Variants in GLDN observed in about 807,000 individuals in gnomAD.
The protein encoded by GLDN is gliomedin.
Under a neutral mutation model 56.5 loss-of-function variants are expected in GLDN, and 47 were observed. The observed-to-expected ratio is 0.83, with a 90% confidence interval of 0.66 to 1.06. The LOEUF is 1.06. GLDN is among the 50% of genes least tolerant of loss of function. GLDN has a pLI of 0.00. For synonymous variants in GLDN, 332 were observed against 278.8 expected (o/e 1.19, Z -1.90); for missense variants, 782 against 714.3 (o/e 1.09, Z -1.08).
intron 1 of GLDN, among the ~76,000 whole-genome samples, chr15:51,373,270 C>T (rs934290767): frequency 2.6e-5 from 4 of 152,112 alleles, no homozygotes; most frequent in African/African-American, 9.7e-5. Context: ...CCTGTGAATA[C>T]CAAAATCCGC....
intron 4 of GLDN, among the ~76,000 whole-genome samples, chr15:51,387,098 G>C (rs932670607): frequency 6.6e-6 from 1 of 152,118 alleles, no homozygotes; most frequent in Non-Finnish European, 1.5e-5. Flanking sequence ...GGCAGGAGAG[G>C]AGGGGCTGGG....
chr15:51,397,711 T>C, intron 6 of GLDN, 113 bp downstream of exon 6: 1 of 1,279,542 alleles, frequency 7.8e-7, no homozygotes, highest in Non-Finnish European at 1.0e-6. Context: ...GAGGGTTTTG[T>C]CCAAAATGAA....
Position 51,383,833 on chromosome 15 carries a change from A to T in GLDN, c.482A>T (p.Gln161Leu), listed in dbSNP as rs1344668252. ...GLPGHNGLDGQPGPQGPKGEK... is the reference protein window; with the variant it reads ...GLPGHNGLDGLPGPQGPKGEK... Reference sequence around the variant, plus strand: ...CCAGGACACAACGGATTGGATGGACAGCCTGGTCCTCAGGGCCCAAAAGGA... The same window carrying T: ...CCAGGACACAACGGATTGGATGGACTGCCTGGTCCTCAGGGCCCAAAAGGA... The change falls in exon 4 of 10, where the codon CAG becomes CTG. Residue 161 changes from glutamine to leucine, a missense_variant. By Grantham distance (113) the Gln-to-Leu change is moderately radical (BLOSUM62 -2). Transcript: ENST00000335449. 3.7e-6 allele frequency: 6 copies of T among 1,613,662 alleles called. No homozygotes were observed.
chr15:51,370,897 C>G (rs2037502693), intron 1 of GLDN, among the ~76,000 whole-genome samples: 1 of 152,034 alleles, frequency 6.6e-6, no homozygotes, highest in Non-Finnish European at 1.5e-5. Flanking sequence ...AAGGCTGAGG[C>G]AGGAGAATTG....
At position 51,383,816 on chromosome 15, in the gene GLDN, C is replaced by G. The variant is rs767684396; in HGVS notation, c.465C>G (p.His155Gln). The G allele has an allele frequency of 1.8e-5, 29 of 1,612,782 alleles. No individual in the cohort carries two copies. The highest frequency in any genetic ancestry group is 2.5e-5 in the Non-Finnish European group (29 of 1,179,866). ...CGGGAGCCGGCGGGTTGCCAGGACA[C>G]AACGGATTGGATGGACAGCCTGGTC... ...GPPGAGGLPG[H>Q]NGLDGQPGPQ... Residue 155 changes from histidine (H) to glutamine (Q), a missense_variant, in exon 4 of 10, where the codon CAC becomes CAG. Coordinates refer to ENST00000335449, the MANE Select transcript of GLDN (RefSeq NM_181789.4).
chr15:51,390,354 T>C (rs559215353), intron 4 of GLDN, among the ~76,000 whole-genome samples: 70 of 152,298 alleles, frequency 4.6e-4, no homozygotes, highest in Non-Finnish European at 9.1e-4. Flanking sequence ...CTGTATTCAT[T>C]TGGAAACACT....
At chr15:51,395,814 G>A (rs1195980062) in intron 5 of GLDN, among the ~76,000 whole-genome samples, 1 of 152,166 alleles carries the variant, frequency 6.6e-6, no homozygotes, top group Non-Finnish European at 1.5e-5. Flanking sequence ...GAGGCATGAT[G>A]CTGGCATCTG....
At chr15:51,396,774 C>T (rs2141124917) in intron 5 of GLDN, among the ~76,000 whole-genome samples, 1 of 152,220 alleles carries the variant, frequency 6.6e-6, no homozygotes, top group East Asian at 1.9e-4. Context: ...GATTGAGTGC[C>T]TATTGTTTAC....
intron 1 of GLDN, among the ~76,000 whole-genome samples, chr15:51,361,630 G>A (rs1269781551): frequency 6.6e-6 from 1 of 152,196 alleles, no homozygotes; most frequent in Admixed American, 6.5e-5. Flanking sequence ...AGGCACTATT[G>A]TAGGTACTCA....
Position 51,377,475 on chromosome 15 carries a change from C to T in GLDN, c.390C>T (p.Asn130=), listed in dbSNP as rs200614681. Reference sequence around the variant, plus strand: ...TCCGAGTGATGGTGGACCTGTGCAACAGCACCAAGGGCATCTGCCTCACAG... The same window carrying T: ...TCCGAGTGATGGTGGACCTGTGCAATAGCACCAAGGGCATCTGCCTCACAG... ...VPIRVMVDLC[N]STKGICLTGP... is the part of the protein sequence containing the mutation. Residue 130 remains asparagine (N), a synonymous_variant, in exon 2 of 10, where the codon AAC becomes AAT. Transcript: ENST00000335449. 182 of 1,613,966 alleles carry T rather than the reference C, an allele frequency of 1.1e-4. No individual in the cohort carries two copies. The highest frequency in any genetic ancestry group is 1.4e-4 in the Non-Finnish European group (170 of 1,179,944).
rs1279263677 is a variant in GLDN, at chr15:51,406,484, T to G, written c.*1730T>G. On this transcript the variant is annotated 3_prime_UTR_variant, in exon 10 of 10. Coordinates refer to ENST00000335449, the MANE Select transcript of GLDN (RefSeq NM_181789.4). The stretch of plus-strand genomic sequence containing the variant: ...AAATTCATTCTCAATGGCCCTGAGT[T>G]CAATATATTATTAACAGCAGTATTT... The G allele has an allele frequency of 1.3e-5, 2 of 152,150 alleles. No homozygotes were observed. Among genetic ancestry groups the G allele is most frequent in the Non-Finnish European group, 2.9e-5 (2 of 68,024 alleles). 9.4% of individuals were successfully genotyped at this position (152,150 alleles called of 1,614,324 possible).
At chr15:51,386,391 G>A (rs2037894072) in intron 4 of GLDN, among the ~76,000 whole-genome samples, 1 of 152,164 alleles carries the variant, frequency 6.6e-6, no homozygotes, top group Non-Finnish European at 1.5e-5. Flanking sequence ...TCACACTGCT[G>A]AGGCCCCGAG....
Position 51,387,010 on chromosome 15 carries a change from G to A in GLDN, c.541+3118G>A, listed in dbSNP as rs559952159. Among the ~76,000 whole-genome samples, 9 of 152,260 alleles carry A rather than the reference G, an allele frequency of 5.9e-5. No individual in the cohort carries two copies. In the East Asian group the frequency reaches 1.7e-3, roughly 29 times the overall value. On this transcript the variant is annotated intron_variant, in intron 4 of 9. Coordinates refer to ENST00000335449, the MANE Select transcript of GLDN (RefSeq NM_181789.4). The stretch of plus-strand genomic sequence containing the variant: ...AGGTCTGTAGTCAAAAGAGGCCTGG[G>A]GTGAGATGTATATATCAGGGAGTCA...
At chr15:51,401,410 C>T (rs545764933) in intron 8 of GLDN, among the ~76,000 whole-genome samples, 183 bp from the exon 9 acceptor site, 23 of 152,330 alleles carry the variant, frequency 1.5e-4, no homozygotes, top group African/African-American at 5.1e-4. Context: ...AAAGACATTT[C>T]AGAAATCCAT....
At chr15:51,360,817 C>T (rs2470187) in intron 1 of GLDN, among the ~76,000 whole-genome samples, 3,563 of 152,266 alleles carry the variant, frequency 0.023, 89 homozygotes, top group East Asian at 0.16. Context: ...TTATTGTTCA[C>T]GACATAGGTA....
chr15:51,360,464 A>G (rs4775940), intron 1 of GLDN: 49,435 of 152,276 alleles, frequency 0.32, 8,430 homozygotes, highest in Admixed American at 0.42. Flanking sequence ...CACTAACCAG[A>G]TGGTACCACA....
rs373810235 is a variant in GLDN at position 51,394,968 on chromosome 15, C to A, written c.675C>A (p.Asp225Glu). Residue 225 changes from aspartate to glutamate, a missense_variant, in exon 5 of 10, where the codon GAC becomes GAA. By Grantham distance (45) the Asp-to-Glu change is conservative (BLOSUM62 2). Transcript: ENST00000335449. ...EKGDKGDVSN[D>E]VLLAGAKGDQ... is the part of the protein sequence containing the mutation. ...GTGACAAAGGAGATGTGTCCAACGA[C>A]GTGCTCCTGGCAGGTAAGAGGGGTA... 9.4e-6 allele frequency: 15 copies of A among 1,600,874 alleles called. No individual in the cohort carries two copies. The African/African-American group carries it at 2.0e-4, about 22-fold the overall frequency.
chr15:51,362,506 GAAA>G, intron 1 of GLDN, among the ~76,000 whole-genome samples: 1 of 137,528 alleles, frequency 7.3e-6, no homozygotes, highest in East Asian at 2.1e-4. Flanking sequence ...AAAAAAAAAA[GAAA>G]GAAAGGATGT....
chr15:51,386,273 G>A (rs1477500632), intron 4 of GLDN, among the ~76,000 whole-genome samples: 1 of 152,156 alleles, frequency 6.6e-6, no homozygotes, highest in Non-Finnish European at 1.5e-5. Context: ...CCCAGGCCAG[G>A]GGAAGTGGGA....
Sources: allele counts gnomAD v4.1 joint callset (sites outside exome capture counted in the v4.1 genomes callset), GRCh38; gene constraint gnomAD v4.1.1; transcripts MANE v1.5; gene names NCBI Gene and HGNC (gene_info 2026-07-23, HGNC 2026-07-21).